The following RANGAP1 variants were observed in gnomAD, a reference collection of about 807,000 sequenced individuals.
RANGAP1 encodes Ran GTPase activating protein 1.
Under a neutral mutation model 63.5 loss-of-function variants are expected in RANGAP1, and 38 were observed. That is an observed-to-expected ratio of 0.60 (90% CI 0.46 to 0.78). RANGAP1 has a LOEUF of 0.78. Among genes scored for constraint, RANGAP1 ranks in the 30% least tolerant of loss-of-function variants. RANGAP1 has a pLI of 0.00. For synonymous variants in RANGAP1, 329 were observed against 310.5 expected (o/e 1.06, Z -0.63); for missense variants, 630 against 740.3 (o/e 0.85, Z 1.73).
intron 2 of RANGAP1, among the ~76,000 whole-genome samples, chr22:41,276,068 G>A (rs2035124464): frequency 6.6e-6 from 1 of 152,172 alleles, no homozygotes. Flanking sequence ...AGGTGTTTCT[G>A]ACTTGGAAAA....
chr22:41,260,160 T>C (rs141119194), intron 6 of RANGAP1, among the ~76,000 whole-genome samples: 68 of 152,254 alleles, frequency 4.5e-4, no homozygotes, highest in African/African-American at 1.6e-3. Flanking sequence ...TAAATAATAA[T>C]GTTATTTTTT....
At position 41,249,402 on chromosome 22, in the gene RANGAP1, G is replaced by A. The variant is rs764740821; in HGVS notation, c.1622C>T (p.Ala541Val). 79 of 1,614,012 alleles carry A rather than the reference G, an allele frequency of 4.9e-5. No individual in the cohort carries two copies. The highest frequency in any genetic ancestry group is 5.8e-5 in the Non-Finnish European group (68 of 1,180,000). The change falls in exon 15 of 16, where the codon GCG (alanine) becomes GTG (valine). Residue 541 changes from alanine (A) to valine (V), a missense_variant. Physicochemically the swap from Ala to Val is moderately conservative, Grantham distance 64 (BLOSUM62 0). Transcript: ENST00000356244. ...GTCCTGCTGCACCATGTGGTTCAGC[G>A]CCATCAGGGGGCCGTACAGGTTGGC... ...AIANLYGPLM[A>V]LNHMVQQDYF...
Position 41,260,574 on chromosome 22 carries a change from G to A in RANGAP1, c.615+872C>T, listed in dbSNP as rs146795679. Among the ~76,000 whole-genome samples the A allele has an allele frequency of 2.5e-3, 381 of 152,336 alleles. 2 individuals carry two copies. The highest frequency in any genetic ancestry group is 0.017 in the Middle Eastern group (5 of 294). On this transcript the variant is annotated intron_variant, in intron 6 of 15. Transcript: ENST00000356244. ...TAAATTAAGAGAAGAGGGGCCGGAC[G>A]TGGTGGCTCACGCCTGTAATCCCAG...
intron 2 of RANGAP1, among the ~76,000 whole-genome samples, chr22:41,275,902 T>C (rs896216241): frequency 5.3e-5 from 8 of 152,056 alleles, no homozygotes; most frequent in Non-Finnish European, 8.8e-5. Context: ...GCCATGATCA[T>C]GCCATAGCAC....
At chr22:41,298,033 T>C in the RANGAP1 span, among the ~76,000 whole-genome samples, 1 of 152,054 alleles carries the variant, frequency 6.6e-6, no homozygotes, top group Non-Finnish European at 1.5e-5. Context: ...GATATTTGTA[T>C]TTTTAGTAGA....
At chr22:41,278,382 C>G (rs1341523287) in intron 2 of RANGAP1, among the ~76,000 whole-genome samples, 1 of 152,200 alleles carries the variant, frequency 6.6e-6, no homozygotes, top group Admixed American at 6.5e-5. Flanking sequence ...AAAGCTGTGC[C>G]CTTAGGCATG....
chr22:41,264,042 C>T (rs1340358760), intron 5 of RANGAP1, among the ~76,000 whole-genome samples: 1 of 152,240 alleles, frequency 6.6e-6, no homozygotes, highest in Non-Finnish European at 1.5e-5. Flanking sequence ...CCCTTTTCTC[C>T]CTTTGGTTAG....
chr22:41,279,462 T>C (rs2035364647), intron 2 of RANGAP1, among the ~76,000 whole-genome samples: 2 of 149,338 alleles, frequency 1.3e-5, no homozygotes, highest in Non-Finnish European at 3.0e-5. Flanking sequence ...AGAGCACGAC[T>C]CCATCTCAAA....
chr22:41,248,232 T>C (rs981886815), intron 15 of RANGAP1, among the ~76,000 whole-genome samples: 1 of 152,094 alleles, frequency 6.6e-6, no homozygotes, highest in Admixed American at 6.5e-5. Flanking sequence ...AGCCATGAGA[T>C]TCACAGTGAG....
chr22:41,301,317 A>G, the RANGAP1 span, among the ~76,000 whole-genome samples: 1 of 152,196 alleles, frequency 6.6e-6, no homozygotes, highest in Non-Finnish European at 1.5e-5. Context: ...CAGAACTGCC[A>G]AAAGAAACCC....
At chr22:41,248,874 C>T (rs1406632526) in intron 15 of RANGAP1, among the ~76,000 whole-genome samples, 1 of 152,140 alleles carries the variant, frequency 6.6e-6, no homozygotes, top group African/African-American at 2.4e-5. Context: ...GGAGAGGGCC[C>T]GGGGCTGCAG....
chr22:41,290,410 A>G (rs1019909733), upstream of RANGAP1, among the ~76,000 whole-genome samples: 1 of 151,816 alleles, frequency 6.6e-6, no homozygotes, highest in Non-Finnish European at 1.5e-5. Flanking sequence ...TTGCATTTTT[A>G]GTAGAGATGG....
chr22:41,280,845 T>C, intron 2 of RANGAP1, 88 bp downstream of exon 2: 3 of 1,581,494 alleles, frequency 1.9e-6, no homozygotes, highest in Non-Finnish European at 8.6e-7. Flanking sequence ...GGAGACAATG[T>C]AGCAGAAAGA....
At chr22:41,280,588 G>T (rs907593034) in intron 2 of RANGAP1, 3 of 1,129,960 alleles carry the variant, frequency 2.7e-6, no homozygotes, top group Admixed American at 4.6e-5. Context: ...GATCATGGGG[G>T]TTAAGGGCAA....
At chr22:41,281,706 C>A (rs1157553786) in intron 1 of RANGAP1, 28 of 900,680 alleles carry the variant, frequency 3.1e-5, no homozygotes, top group Non-Finnish European at 3.6e-5. Flanking sequence ...CAGCTACCAT[C>A]ATAATAGGAC....
chr22:41,255,752 G>A (rs373465419), intron 10 of RANGAP1, among the ~76,000 whole-genome samples: 9 of 151,960 alleles, frequency 5.9e-5, no homozygotes, highest in Admixed American at 4.6e-4. Flanking sequence ...GACCTAGTAC[G>A]TAACAGGAGT....
At chr22:41,280,037 T>G (rs2035403486) in intron 2 of RANGAP1, among the ~76,000 whole-genome samples, 1 of 151,976 alleles carries the variant, frequency 6.6e-6, no homozygotes, top group African/African-American at 2.4e-5. Flanking sequence ...GGCAGAGGTT[T>G]GCAGTGAGCT....
intron 6 of RANGAP1, among the ~76,000 whole-genome samples, chr22:41,260,039 T>C (rs1434818557): frequency 1.3e-5 from 2 of 151,808 alleles, no homozygotes; most frequent in Non-Finnish European, 2.9e-5. Context: ...GTTCAGGGAC[T>C]ACATGTGCTT....
intron 11 of RANGAP1, among the ~76,000 whole-genome samples, chr22:41,253,733 C>T (rs2033628368): frequency 6.6e-6 from 1 of 152,200 alleles, no homozygotes; most frequent in Non-Finnish European, 1.5e-5. Context: ...TTCAGAAACC[C>T]TTATGCATAT....
Sources: gnomAD v4.1 joint callset for allele counts (sites outside exome capture counted in the v4.1 genomes callset) on GRCh38, gnomAD v4.1.1 for gene constraint, MANE v1.5 for transcripts, NCBI Gene and HGNC (gene_info 2026-07-23, HGNC 2026-07-21) for gene names.